The following ORAI2 variants were observed in gnomAD, a reference collection of about 807,000 sequenced individuals.
The protein encoded by ORAI2 is ORAI calcium release-activated calcium modulator 2, also known as protein orai-2.
ORAI2 carries 10 observed loss-of-function variants against 16.2 expected under a neutral mutation model. The observed-to-expected ratio is 0.62, with a 90% CI of 0.38 to 1.04. The LOEUF is 1.04. Ranked by LOEUF, ORAI2 falls within the 50% of genes least tolerant of loss-of-function variation. ORAI2 has a pLI of 0.01. For synonymous variants in ORAI2, 150 were observed against 157.5 expected (o/e 0.95, Z 0.35); for missense variants, 238 against 355.5 (o/e 0.67, Z 2.66).
In ORAI2 at chr7:102,446,776, C is replaced by T. The variant is rs769632596; in HGVS notation, c.489C>T (p.Ala163=). The T allele has an allele frequency of 1.2e-5, 19 of 1,614,040 alleles. No homozygotes were observed. Among genetic ancestry groups the T allele is most frequent in the South Asian group, 2.2e-5 (2 of 91,090 alleles). The change falls in exon 4 of 4, where the codon GCC becomes GCT. Residue 163 remains alanine, a synonymous_variant. Coordinates refer to ENST00000495936, the MANE Select transcript of ORAI2 (RefSeq NM_001126340.3). ...TGCTTGGCATCCTACTCTTCCTGGC[C>T]GAGGTGGTGCTGCTCTGCTGGATCA... is the stretch of plus-strand genomic sequence containing the variant. ...STVLGILLFL[A]EVVLLCWIKF... is the part of the protein sequence containing the mutation.
rs761234069 is a variant in ORAI2, at chr7:102,453,212, G to GATCC, written c.*6161_*6164dup. 2 of 152,116 alleles carry GATCC rather than the reference G, an allele frequency of 1.3e-5. No individual in the cohort carries two copies. The highest frequency in any genetic ancestry group is 2.9e-5 in the Non-Finnish European group (2 of 68,044). The allele number at this position is 152,116 out of a possible 1,614,324, so 9.4% of individuals were successfully genotyped here. Reference sequence around the variant, plus strand: ...TGGTCTCGAACTCCCGACCTCAGATGATCCGCCTGCCTCAGCCTCCCAAAG... The same window carrying GATCC: ...TGGTCTCGAACTCCCGACCTCAGATGATCCATCCGCCTGCCTCAGCCTCCCAAAG... On this transcript the variant is annotated 3_prime_UTR_variant, in exon 4 of 4. Transcript: ENST00000495936.
At position 102,447,996 on chromosome 7, in the gene ORAI2, C is replaced by G. The variant is rs1485708199; in HGVS notation, c.*944C>G. ...GCAGCAGGAGGCGGGGGCTCTGGCT[C>G]AGGCCCCGGAGCCTGTGCAGCTTGC... On this transcript the variant is annotated 3_prime_UTR_variant, in exon 4 of 4. Coordinates refer to ENST00000495936, the MANE Select transcript of ORAI2 (RefSeq NM_001126340.3). 1 of 152,384 alleles carries G rather than the reference C, an allele frequency of 6.6e-6. No homozygotes were observed. The allele number at this position is 152,384 out of a possible 1,614,324, so 9.4% of individuals were successfully genotyped here. A position where few individuals can be genotyped will look rare whatever the true frequency, so the allele number is the denominator to read the frequency against.
At position 102,436,207 on chromosome 7, in the gene ORAI2, C is replaced by A; in HGVS notation, c.-122-18C>A. The A allele has an allele frequency of 1.7e-6, 1 of 605,304 alleles. No individual in the cohort carries two copies. Among genetic ancestry groups the A allele is most frequent in the Non-Finnish European group, 2.1e-6 (1 of 482,710 alleles). 37.5% of individuals were successfully genotyped at this position (605,304 alleles called of 1,614,324 possible). ...AGCTAACCTACGGATTGCAGCGTTT[C>A]TCTGAATTCTCCCCAAGGGAAGGAA... On this transcript the variant is annotated intron_variant, in intron 1 of 3. Coordinates refer to ENST00000495936, the MANE Select transcript of ORAI2 (RefSeq NM_001126340.3).
chr7:102,447,360 C>G lies in ORAI2; in HGVS notation c.*308C>G, dbSNP rs1797399032. 2.8e-6 allele frequency: 1 copy of G among 363,026 alleles called. No individual in the cohort carries two copies. The highest frequency in any genetic ancestry group is 5.0e-6 in the Non-Finnish European group (1 of 199,118). The allele number at this position is 363,026 out of a possible 1,614,324, so 22.5% of individuals were successfully genotyped here. On this transcript the variant is annotated 3_prime_UTR_variant, in exon 4 of 4. Coordinates refer to ENST00000495936, the MANE Select transcript of ORAI2 (RefSeq NM_001126340.3). Reference sequence around the variant, plus strand: ...CATCAGTCCTGGGCCAGGAGGGGCTCCAAGCAGCACCCAGCGGTCCGGGGG... The same window carrying G: ...CATCAGTCCTGGGCCAGGAGGGGCTGCAAGCAGCACCCAGCGGTCCGGGGG...
chr7:102,453,313 A>C lies in ORAI2; in HGVS notation c.*6261A>C, dbSNP rs1797573884. The C allele has an allele frequency of 6.6e-6, 1 of 151,996 alleles. No homozygotes were observed. The highest frequency in any genetic ancestry group is 1.5e-5 in the Non-Finnish European group (1 of 68,016). 9.4% of individuals were successfully genotyped at this position (151,996 alleles called of 1,614,324 possible). On this transcript the variant is annotated 3_prime_UTR_variant, in exon 4 of 4. Coordinates refer to ENST00000495936, the MANE Select transcript of ORAI2 (RefSeq NM_001126340.3). ...TTTAATAGAGACTGAGTTTCATCAC[A>C]CTGGCCAGGCTGGTTTCGAACTCCT...
chr7:102,447,239 G>A lies in ORAI2; in HGVS notation c.*187G>A, dbSNP rs1797396104. The A allele has an allele frequency of 1.4e-6, 1 of 704,750 alleles. No individual in the cohort carries two copies. Among genetic ancestry groups the A allele is most frequent in the East Asian group, 2.8e-5 (1 of 35,668 alleles). 43.7% of individuals were successfully genotyped at this position (704,750 alleles called of 1,614,324 possible). A position where few individuals can be genotyped will look rare whatever the true frequency, so the allele number is the denominator to read the frequency against. Reference sequence around the variant, plus strand: ...ACCGTTTGGTTCAATGAGGGACTGTGTTGCTAAGAGCGTTGGGGGCAAAGC... The same window carrying A: ...ACCGTTTGGTTCAATGAGGGACTGTATTGCTAAGAGCGTTGGGGGCAAAGC... On this transcript the variant is annotated 3_prime_UTR_variant, in exon 4 of 4. Coordinates refer to ENST00000495936, the MANE Select transcript of ORAI2 (RefSeq NM_001126340.3).
chr7:102,453,653 C>A lies in ORAI2; in HGVS notation c.*6601C>A, dbSNP rs928309740. On this transcript the variant is annotated 3_prime_UTR_variant, in exon 4 of 4. Coordinates refer to ENST00000495936, the MANE Select transcript of ORAI2 (RefSeq NM_001126340.3). ...GCTGCAGTTTCCTTAAAGGGAAAAT[C>A]TGCCCCACCCCTGTCAAGGGCAGGA... 1 of 152,240 alleles carries A rather than the reference C, an allele frequency of 6.6e-6. No homozygotes were observed. The highest frequency in any genetic ancestry group is 1.5e-5 in the Non-Finnish European group (1 of 68,048). The allele number at this position is 152,240 out of a possible 1,614,324, so 9.4% of individuals were successfully genotyped here. A position where few individuals can be genotyped will look rare whatever the true frequency, so the allele number is the denominator to read the frequency against.
chr7:102,442,144 G>C (rs890154280), intron 3 of ORAI2, among the ~76,000 whole-genome samples: 3 of 152,140 alleles, frequency 2.0e-5, no homozygotes, highest in African/African-American at 2.4e-5. Context: ...GGCCAGGCGG[G>C]GTGGCTCACG....
Position 102,436,230 on chromosome 7 carries a change from G to T in ORAI2, c.-117G>T, listed in dbSNP as rs1133471. On this transcript the variant is annotated 5_prime_UTR_variant, in exon 2 of 4. Transcript: ENST00000495936. ...TTCTCTGAATTCTCCCCAAGGGAAG[G>T]AACGTCCCAGGGATGGAAGTGCTTG... The T allele has an allele frequency of 0.52, 423,120 of 809,758 alleles. 111,481 individuals carry two copies. The highest frequency in any genetic ancestry group is 0.63 in the Middle Eastern group (1,014 of 1,600). The allele number at this position is 809,758 out of a possible 1,614,324, so 50.2% of individuals were successfully genotyped here.
At chr7:102,442,060 G>T (rs1301388475) in intron 3 of ORAI2, among the ~76,000 whole-genome samples, 3 of 152,100 alleles carry the variant, frequency 2.0e-5, no homozygotes, top group Non-Finnish European at 4.4e-5. Flanking sequence ...CTGAAGCTTA[G>T]TTCTTGATGC....
Position 102,456,350 on chromosome 7 carries a change from T to G in ORAI2, c.*9298T>G, listed in dbSNP as rs1797645320. On this transcript the variant is annotated 3_prime_UTR_variant, in exon 4 of 4. Transcript: ENST00000495936. ...CAGCCTTGACATGGTGGTAAAGCCA[T>G]CCTCCCGCCTCAGCCTTTCGAGTAG... 6.6e-6 allele frequency: 1 copy of G among 152,456 alleles called. No homozygotes were observed. The highest frequency in any genetic ancestry group is 6.6e-5 in the Admixed American group (1 of 15,250). The allele number at this position is 152,456 out of a possible 1,614,324, so 9.4% of individuals were successfully genotyped here.
intron 3 of ORAI2, among the ~76,000 whole-genome samples, chr7:102,443,028 A>AG (rs1797247398): frequency 6.6e-6 from 1 of 151,976 alleles, no homozygotes; most frequent in East Asian, 1.9e-4. Flanking sequence ...TCAATAAAAA[A>AG]AAAAAAATTA....
chr7:102,438,581 C>T (rs1797118638), intron 2 of ORAI2, among the ~76,000 whole-genome samples: 1 of 152,138 alleles, frequency 6.6e-6, no homozygotes, highest in Non-Finnish European at 1.5e-5. Flanking sequence ...TCGAGACCAG[C>T]CTGGCCAACA....
Position 102,455,066 on chromosome 7 carries a change from C to T in ORAI2, c.*8014C>T, listed in dbSNP as rs1430687710. 2.6e-5 allele frequency: 4 copies of T among 152,470 alleles called. No homozygotes were observed. The highest frequency in any genetic ancestry group is 9.7e-5 in the African/African-American group (4 of 41,402). The allele number at this position is 152,470 out of a possible 1,614,324, so 9.4% of individuals were successfully genotyped here. On this transcript the variant is annotated 3_prime_UTR_variant, in exon 4 of 4. Coordinates refer to ENST00000495936, the MANE Select transcript of ORAI2 (RefSeq NM_001126340.3). ...GGTATGGTGGCACACGCCTGTAGTT[C>T]CAGCTACTGGGGAGGCTGAGGGGGA...
chr7:102,445,600 G>A (rs1280824078), intron 3 of ORAI2, among the ~76,000 whole-genome samples: 1 of 152,008 alleles, frequency 6.6e-6, no homozygotes, highest in Non-Finnish European at 1.5e-5. Context: ...ACAGGCATGT[G>A]CCACCATGCC....
In ORAI2 at chr7:102,433,981, C is replaced by T. The variant is rs1291447242; in HGVS notation, c.-123+320C>T. Among the ~76,000 whole-genome samples, 1 of 151,958 alleles carries T rather than the reference C, an allele frequency of 6.6e-6. No individual in the cohort carries two copies. Among genetic ancestry groups the T allele is most frequent in the African/African-American group, 2.4e-5 (1 of 41,388 alleles). On this transcript the variant is annotated intron_variant, in intron 1 of 3. Transcript: ENST00000495936. The surrounding 1 kb of genome is among the most constrained non-coding windows in gnomAD (Gnocchi z 4.6). ...GAGAGACACTCGCCATTGCCGGTGC[C>T]CCAGATGCTTAGAGGAAGTCAAACT...
chr7:102,444,437 GAGAA>G (rs1189199447), intron 3 of ORAI2, among the ~76,000 whole-genome samples: 1 of 151,556 alleles, frequency 6.6e-6, no homozygotes, highest in Non-Finnish European at 1.5e-5. Flanking sequence ...ATTTTTCACA[GAGAA>G]AGAGTTTTGC....
At chr7:102,435,177 G>C (rs1418942137) in intron 1 of ORAI2, among the ~76,000 whole-genome samples, 1 of 152,156 alleles carries the variant, frequency 6.6e-6, no homozygotes, top group African/African-American at 2.4e-5. Context: ...TGGTTGAGGC[G>C]GGAGGATCGC....
chr7:102,454,515 T>G lies in ORAI2; in HGVS notation c.*7463T>G, dbSNP rs1269432480. The G allele has an allele frequency of 6.5e-6, 1 of 153,474 alleles. No individual in the cohort carries two copies. Among genetic ancestry groups the G allele is most frequent in the Non-Finnish European group, 1.5e-5 (1 of 68,082 alleles). The allele number at this position is 153,474 out of a possible 1,614,324, so 9.5% of individuals were successfully genotyped here. On this transcript the variant is annotated 3_prime_UTR_variant, in exon 4 of 4. Transcript: ENST00000495936. Reference sequence around the variant, plus strand: ...CCAGAGAATGGGCTTTGCATGGAGCTTGGCTCCTGTCCCTGCCTGTGAGGG... The same window carrying G: ...CCAGAGAATGGGCTTTGCATGGAGCGTGGCTCCTGTCCCTGCCTGTGAGGG...
Sources: allele counts gnomAD v4.1 joint callset (sites outside exome capture counted in the v4.1 genomes callset), GRCh38; gene constraint gnomAD v4.1.1; non-coding constraint Gnocchi (gnomAD v3.1); transcripts MANE v1.5; gene names NCBI Gene and HGNC (gene_info 2026-07-23, HGNC 2026-07-21).